Variants in DNAH14 observed in about 807,000 individuals in gnomAD.
DNAH14 encodes the protein dynein axonemal heavy chain 14, also known as axonemal beta dynein heavy chain 14.
In DNAH14, 478 loss-of-function variants were observed where a neutral mutation model predicts 520.9. The observed-to-expected ratio is 0.92, with a 90% CI of 0.85 to 0.99. The LOEUF (loss-of-function observed/expected upper bound fraction) is 0.99. Among genes scored for constraint, DNAH14 ranks in the 50% least tolerant of loss-of-function variants. The probability of loss-of-function intolerance (pLI) is 0.00; values close to 1 mark genes in which losing one functional copy is unlikely to be tolerated. For missense variants in DNAH14, 4,831 were observed against 5,234.5 expected (o/e 0.92, Z 2.38); for synonymous variants, 1,581 against 1,757.2 (o/e 0.90, Z 2.51).
intron 23 of DNAH14, among the ~76,000 whole-genome samples, chr1:225,102,610 G>C (rs2075607507): frequency 6.6e-6 from 1 of 152,196 alleles, no homozygotes; most frequent in African/African-American, 2.4e-5. Flanking sequence ...GTATCTCATT[G>C]TGGTTTAGAT....
intron 77 of DNAH14, among the ~76,000 whole-genome samples, chr1:225,371,063 G>C (rs932312648): frequency 2.0e-5 from 3 of 152,070 alleles, no homozygotes; most frequent in Non-Finnish European, 4.4e-5. Context: ...GAAACAGATA[G>C]TATTAATATT....
At chr1:225,344,001 A>G (rs2095244350) in intron 69 of DNAH14, among the ~76,000 whole-genome samples, 1 of 152,204 alleles carries the variant, frequency 6.6e-6, no homozygotes, top group South Asian at 2.1e-4. Context: ...AAAGGGGTTT[A>G]AGATAACACA....
Position 225,240,900 on chromosome 1 carries a change from A to G in DNAH14, c.6748+78A>G, listed in dbSNP as rs573090619. 9.4e-5 allele frequency: 98 copies of G among 1,046,402 alleles called. No homozygotes were observed. In the African/African-American group the frequency reaches 1.3e-3, roughly 14 times the overall value. 64.8% of individuals were successfully genotyped at this position (1,046,402 alleles called of 1,614,324 possible). On this transcript the variant is annotated intron_variant, in intron 43 of 85. Transcript: ENST00000682510. ...AAGCAATGCTTGGCTTATAATGATT[A>G]GGTTCATCTTTTAAAATGTTAAGAT...
intron 82 of DNAH14, among the ~76,000 whole-genome samples, chr1:225,388,974 T>C (rs370035720): frequency 6.6e-6 from 1 of 152,122 alleles, no homozygotes; most frequent in African/African-American, 2.4e-5. Flanking sequence ...TATTGGCTGG[T>C]TTTGAACTCC....
chr1:225,051,597 A>C lies in DNAH14; in HGVS notation c.2226A>C (p.Glu742Asp). The change falls in exon 17 of 86, where the codon GAA becomes GAC. Residue 742 changes from glutamate (E) to aspartate (D), a missense_variant. Glu to Asp is a conservative substitution (Grantham distance 45). Transcript: ENST00000682510. Reference protein sequence around the residue: ...ISSMGELTSKEFEAILNRFRN... With the variant: ...ISSMGELTSKDFEAILNRFRN... ...CTATGGGAGAATTAACTTCAAAAGAATTTGAAGCTATTCTAAATAGATTCA... is the reference window on the plus strand; with the variant it reads ...CTATGGGAGAATTAACTTCAAAAGACTTTGAAGCTATTCTAAATAGATTCA... The C allele has an allele frequency of 5.8e-6, 9 of 1,550,692 alleles. No individual in the cohort carries two copies. Among genetic ancestry groups the C allele is most frequent in the Non-Finnish European group, 7.9e-6 (9 of 1,146,378 alleles).
intron 47 of DNAH14, among the ~76,000 whole-genome samples, chr1:225,264,531 T>A (rs1372094378): frequency 3.9e-5 from 6 of 152,102 alleles, no homozygotes; most frequent in South Asian, 2.1e-4. Flanking sequence ...GTAGACTAAG[T>A]CTAGAAGTAA....
At chr1:225,325,498 A>AC (rs1378896152) in intron 64 of DNAH14, among the ~76,000 whole-genome samples, 2 of 151,806 alleles carry the variant, frequency 1.3e-5, no homozygotes, top group African/African-American at 4.8e-5. Flanking sequence ...AAAAAAAAAA[A>AC]ATATCCAACT....
At chr1:225,011,803 G>T (rs1257964396) in intron 10 of DNAH14, among the ~76,000 whole-genome samples, 3 of 110,766 alleles carry the variant, frequency 2.7e-5, no homozygotes, top group South Asian at 2.8e-4. Flanking sequence ...CATTTGCTTG[G>T]TACATCTTCC....
intron 17 of DNAH14, among the ~76,000 whole-genome samples, chr1:225,078,798 CT>C (rs1558882732): frequency 3.6e-5 from 2 of 55,394 alleles, no homozygotes; most frequent in Non-Finnish European, 4.4e-5. Flanking sequence ...CTCTCTCTCT[CT>C]CTCTCTCTCT....
At chr1:225,289,772 A>G (rs2093824392) in intron 54 of DNAH14, 113 bp from the exon 55 acceptor site, 1 of 648,406 alleles carries the variant, frequency 1.5e-6, no homozygotes, top group Non-Finnish European at 2.3e-6. Context: ...AAATAAAAAT[A>G]GTCTGGGGTA....
At chr1:224,945,929 G>A (rs4379650) in intron 1 of DNAH14, among the ~76,000 whole-genome samples, 8,314 of 152,246 alleles carry the variant, frequency 0.055, 468 homozygotes, top group East Asian at 0.23. Context: ...TAGGCTACTC[G>A]GGGGTCAGGG....
intron 55 of DNAH14, among the ~76,000 whole-genome samples, chr1:225,293,316 T>C (rs559454318): frequency 3.5e-4 from 54 of 152,278 alleles, no homozygotes; most frequent in African/African-American, 1.3e-3. Flanking sequence ...GCAATCCCAT[T>C]AGTGGGTATA....
intron 84 of DNAH14, 135 bp from the exon 85 acceptor site, chr1:225,398,385 T>A (rs2096055114): frequency 9.3e-6 from 10 of 1,076,808 alleles, no homozygotes; most frequent in Non-Finnish European, 1.3e-5. Context: ...AAATAAGTAT[T>A]CACCTTAGAA....
chr1:225,253,310 A>T (rs75918823), intron 44 of DNAH14, among the ~76,000 whole-genome samples: 5,503 of 152,216 alleles, frequency 0.036, 300 homozygotes, highest in African/African-American at 0.12. Context: ...TATCATTTGC[A>T]TGTGACTCCA....
At chr1:225,389,706 C>T (rs1232789021) in intron 82 of DNAH14, 28 bp from the exon 83 acceptor site, 11 of 1,550,826 alleles carry the variant, frequency 7.1e-6, no homozygotes, top group South Asian at 2.4e-5. Context: ...TGCCCTTAAC[C>T]CCCAACCTGT....
intron 10 of DNAH14, among the ~76,000 whole-genome samples, chr1:225,009,806 G>A (rs2064546185): frequency 6.6e-6 from 1 of 152,076 alleles, no homozygotes; most frequent in African/African-American, 2.4e-5. Flanking sequence ...AGTTCTCCTT[G>A]AAGAGGTCCT....
intron 55 of DNAH14, among the ~76,000 whole-genome samples, chr1:225,295,477 A>C (rs770925698): frequency 6.6e-6 from 1 of 152,064 alleles, no homozygotes; most frequent in African/African-American, 2.4e-5. Flanking sequence ...GGAATTCTTA[A>C]ATTTCATTCT....
chr1:225,253,344 G>T (rs1365556717), intron 44 of DNAH14, among the ~76,000 whole-genome samples: 1 of 151,930 alleles, frequency 6.6e-6, no homozygotes, highest in Non-Finnish European at 1.5e-5. Context: ...CACTCACACG[G>T]GAAACCAAAG....
At chr1:224,979,662 TAA>T (rs2062120464) in intron 8 of DNAH14, among the ~76,000 whole-genome samples, 1 of 152,158 alleles carries the variant, frequency 6.6e-6, no homozygotes, top group South Asian at 2.1e-4. Context: ...CTGGAAAGGC[TAA>T]GAGAGTGCTT....
Sources: gnomAD v4.1 joint callset for allele counts (sites outside exome capture counted in the v4.1 genomes callset) on GRCh38, gnomAD v4.1.1 for gene constraint, MANE v1.5 for transcripts, NCBI Gene and HGNC (gene_info 2026-07-23, HGNC 2026-07-21) for gene names.